The following RRAGC variants were observed in gnomAD, a reference collection of about 807,000 sequenced individuals.
RRAGC encodes the protein ras-related GTP-binding protein C.
In RRAGC, 8 loss-of-function variants were observed where a neutral mutation model predicts 37.1. That is an observed-to-expected ratio of 0.22 (90% CI 0.13 to 0.39). The LOEUF is 0.39. RRAGC is among the 10% of genes least tolerant of loss of function. The pLI is 1.00. For missense variants in RRAGC, 342 were observed against 497.6 expected, an observed-to-expected ratio of 0.69 and a Z score of 2.98; for synonymous variants, 190 against 181.1, an observed-to-expected ratio of 1.05 and a Z score of -0.39.
At chr1:38,858,950 CG>C (rs1397266906) in intron 1 of RRAGC, among the ~76,000 whole-genome samples, 1 of 152,246 alleles carries the variant, frequency 6.6e-6, no homozygotes, top group Admixed American at 6.5e-5. Context: ...AGAATTACAA[CG>C]CCCAGTGTCT....
chr1:38,844,144 C>T (rs1176275691), intron 6 of RRAGC, among the ~76,000 whole-genome samples: 1 of 152,102 alleles, frequency 6.6e-6, no homozygotes, highest in Non-Finnish European at 1.5e-5. Flanking sequence ...TACAAGGTAT[C>T]TACACTTGGA....
chr1:38,852,239 ATGTTAAG>A, intron 4 of RRAGC, 128 bp downstream of exon 4: 1 of 644,022 alleles, frequency 1.6e-6, no homozygotes, highest in South Asian at 1.8e-5. Context: ...TTTATTTTAC[ATGTTAAG>A]TGGGTCACTA....
chr1:38,851,664 G>T lies in RRAGC; in HGVS notation c.850C>A (p.Leu284Ile), dbSNP rs1255437857. The stretch of plus-strand genomic sequence containing the variant: ...ACAACATCGATCATGTCACAGCAAA[G>T]TTCATAAGATTGCATATCCACAGGG... Reference protein sequence around the residue: ...SSPVDMQSYELCCDMIDVVID... With the variant: ...SSPVDMQSYEICCDMIDVVID... Residue 284 changes from leucine (L) to isoleucine (I), a missense_variant, in exon 5 of 7, where the codon CTT (leucine) becomes ATT (isoleucine). Coordinates refer to ENST00000373001, the MANE Select transcript of RRAGC (RefSeq NM_022157.4). The T allele has an allele frequency of 1.9e-6, 3 of 1,589,478 alleles. No individual in the cohort carries two copies. The highest frequency in any genetic ancestry group is 2.6e-6 in the Non-Finnish European group (3 of 1,172,340).
intron 2 of RRAGC, 37 bp from the exon 3 acceptor site, chr1:38,855,944 T>C (rs774526362): frequency 1.3e-6 from 2 of 1,512,930 alleles, no homozygotes; most frequent in South Asian, 1.2e-5. Flanking sequence ...AAAATAAATC[T>C]TACAAAAGCC....
At chr1:38,841,899 G>A (rs1452452435) in intron 6 of RRAGC, among the ~76,000 whole-genome samples, 1 of 152,192 alleles carries the variant, frequency 6.6e-6, no homozygotes, top group African/African-American at 2.4e-5. Context: ...CGCTTTGGGA[G>A]GCCGAGGCAG....
chr1:38,850,152 G>A (rs1642081693), intron 5 of RRAGC, among the ~76,000 whole-genome samples: 1 of 152,080 alleles, frequency 6.6e-6, no homozygotes, highest in East Asian at 1.9e-4. Context: ...ATTGCAGTGA[G>A]CTGAGATCTC....
At chr1:38,845,215 G>A (rs557823067) in intron 6 of RRAGC, among the ~76,000 whole-genome samples, 34 of 152,180 alleles carry the variant, frequency 2.2e-4, no homozygotes, top group Non-Finnish European at 3.7e-4. Flanking sequence ...GCAAAGACTC[G>A]GAACCAACCC....
chr1:38,847,770 G>A (rs960759454), intron 5 of RRAGC: 1 of 152,166 alleles, frequency 6.6e-6, no homozygotes, highest in Admixed American at 6.6e-5. Flanking sequence ...ACAGAGGCCA[G>A]GCACATGGCA....
chr1:38,858,099 ATTAGT>A (rs1196621278), intron 1 of RRAGC, among the ~76,000 whole-genome samples: 2 of 152,194 alleles, frequency 1.3e-5, no homozygotes, highest in Admixed American at 1.3e-4. Context: ...AATAACTGAA[ATTAGT>A]TTACTAAAAA....
At chr1:38,848,429 A>T (rs1032194336) in intron 5 of RRAGC, among the ~76,000 whole-genome samples, 11 of 152,200 alleles carry the variant, frequency 7.2e-5, no homozygotes, top group Non-Finnish European at 1.5e-4. Flanking sequence ...GTAAAAAACT[A>T]TAAAGCTCCT....
At chr1:38,848,556 A>T (rs1246524067) in intron 5 of RRAGC, among the ~76,000 whole-genome samples, 2 of 152,064 alleles carry the variant, frequency 1.3e-5, no homozygotes, top group African/African-American at 2.4e-5. Flanking sequence ...TGATTAATAA[A>T]ATTAAGAATA....
At chr1:38,856,773 G>A in intron 2 of RRAGC, 106 bp downstream of exon 2, 1 of 1,077,008 alleles carries the variant, frequency 9.3e-7, no homozygotes, top group East Asian at 2.4e-5. Flanking sequence ...GGAATCTACT[G>A]CCAAAGAGAT....
chr1:38,855,262 C>G (rs1411977109), intron 3 of RRAGC, among the ~76,000 whole-genome samples: 1 of 152,120 alleles, frequency 6.6e-6, no homozygotes, highest in Non-Finnish European at 1.5e-5. Flanking sequence ...AGAGTCAGTC[C>G]AGATTTGAAA....
chr1:38,847,672 A>G (rs1642045363), intron 5 of RRAGC: 1 of 152,106 alleles, frequency 6.6e-6, no homozygotes, highest in African/African-American at 2.4e-5. Context: ...AATTATTACT[A>G]TAGCCCTATT....
At chr1:38,854,933 TA>T (rs1243155304) in intron 3 of RRAGC, among the ~76,000 whole-genome samples, 2 of 152,222 alleles carry the variant, frequency 1.3e-5, no homozygotes, top group Admixed American at 1.3e-4. Flanking sequence ...GGGTACTTTT[TA>T]ATACTCATTT....
intron 6 of RRAGC, among the ~76,000 whole-genome samples, chr1:38,845,170 G>T (rs181045139): frequency 2.0e-5 from 3 of 152,082 alleles, no homozygotes; most frequent in African/African-American, 7.2e-5. Context: ...AAAGACACAC[G>T]CACACGTATG....
At chr1:38,854,463 G>C (rs1216009492) in intron 3 of RRAGC, among the ~76,000 whole-genome samples, 1 of 152,154 alleles carries the variant, frequency 6.6e-6, no homozygotes, top group Non-Finnish European at 1.5e-5. Flanking sequence ...CACTAGGGTG[G>C]GATGCCCTGG....
At position 38,838,764 on chromosome 1, in the gene RRAGC, CAAT is replaced by C. The variant is rs1439212683; in HGVS notation, c.*786_*788del. The C allele has an allele frequency of 3.3e-5, 5 of 152,236 alleles. No individual in the cohort carries two copies. Among genetic ancestry groups the C allele is most frequent in the Admixed American group, 6.5e-5 (1 of 15,286 alleles). 9.4% of individuals were successfully genotyped at this position (152,236 alleles called of 1,614,324 possible). A position where few individuals can be genotyped will look rare whatever the true frequency, so the allele number is the denominator to read the frequency against. The stretch of plus-strand genomic sequence containing the variant: ...AAGTAAGCTAAACATTTCAGTGACA[CAAT>C]GAGTTTCTCCCCTAGAAGGGGACTG... On this transcript the variant is annotated 3_prime_UTR_variant, in exon 7 of 7. Transcript: ENST00000373001.
chr1:38,859,671 GC>G lies in RRAGC; in HGVS notation c.-26del. Reference sequence around the variant, plus strand: ...TGGTGCTGGAGCCGCCGCCGCCCGCGCCCTGACAGGCCAGGCCAGGCCGAGC... The same window carrying G: ...TGGTGCTGGAGCCGCCGCCGCCCGCGCCTGACAGGCCAGGCCAGGCCGAGC... On this transcript the variant is annotated 5_prime_UTR_variant, in exon 1 of 7. Coordinates refer to ENST00000373001, the MANE Select transcript of RRAGC (RefSeq NM_022157.4). 2 of 1,524,044 alleles carry G rather than the reference GC, an allele frequency of 1.3e-6. No homozygotes were observed. The highest frequency in any genetic ancestry group is 1.8e-6 in the Non-Finnish European group (2 of 1,135,736). 94.4% of individuals were successfully genotyped at this position (1,524,044 alleles called of 1,614,324 possible). A position where few individuals can be genotyped will look rare whatever the true frequency, so the allele number is the denominator to read the frequency against.
Sources: allele counts gnomAD v4.1 joint callset (sites outside exome capture counted in the v4.1 genomes callset), GRCh38; gene constraint gnomAD v4.1.1; transcripts MANE v1.5; gene names NCBI Gene and HGNC (gene_info 2026-07-23, HGNC 2026-07-21).